Variants in NKD1 observed in about 807,000 individuals in gnomAD.
NKD1 encodes NKD inhibitor of Wnt signaling pathway 1, also known as protein naked cuticle homolog 1.
In NKD1, 21 loss-of-function variants were observed where a neutral mutation model predicts 56.0. The observed-to-expected ratio is 0.38, with a 90% CI of 0.27 to 0.54. The LOEUF is 0.54. Ranked by LOEUF, NKD1 falls within the 20% of genes least tolerant of loss-of-function variation. The pLI, the probability that NKD1 is intolerant of heterozygous loss-of-function variation, is 0.82. For synonymous variants in NKD1, 263 were observed against 265.7 expected, an observed-to-expected ratio of 0.99 and a Z score of 0.10; for missense variants, 578 against 642.7, an observed-to-expected ratio of 0.90 and a Z score of 1.09.
At chr16:50,548,956 C>G in intron 2 of NKD1, 1 of 968,398 alleles carries the variant, frequency 1.0e-6, no homozygotes, top group Non-Finnish European at 1.2e-6. Context: ...GCGCTCCCAC[C>G]GCTGACCCTC....
rs114364002 is a variant in NKD1, at chr16:50,626,156, C to T, written c.462+576C>T. On this transcript the variant is annotated intron_variant, in intron 6 of 9. Transcript: ENST00000268459. ...TCTTCTTCCTTATCCCTCTGCAGGC[C>T]GGTCTCTCTCGCTCAGGGCCCTCCT... Among the ~76,000 whole-genome samples, 386 of 152,320 alleles carry T rather than the reference C, an allele frequency of 2.5e-3. 4 individuals are homozygous for T. Among genetic ancestry groups the T allele is most frequent in the African/African-American group, 8.2e-3 (341 of 41,574 alleles).
chr16:50,616,548 T>C (rs1961964544), intron 4 of NKD1, among the ~76,000 whole-genome samples: 1 of 152,218 alleles, frequency 6.6e-6, no homozygotes, highest in Non-Finnish European at 1.5e-5. Context: ...GAATGTGCTG[T>C]AGTTCAGCAG....
In NKD1 at chr16:50,633,389, G is replaced by A. The variant is rs549358388; in HGVS notation, c.1021G>A (p.Gly341Arg). The A allele has an allele frequency of 1.4e-5, 23 of 1,614,004 alleles. No individual in the cohort carries two copies. Among genetic ancestry groups the A allele is most frequent in the Middle Eastern group, 1.7e-4 (1 of 6,056 alleles). Reference sequence around the variant, plus strand: ...GCAACGGCTCCGGGGCACCCAGGACGGGAGCAAGCACTTTGTGAGGTCCCC... The same window carrying A: ...GCAACGGCTCCGGGGCACCCAGGACAGGAGCAAGCACTTTGTGAGGTCCCC... ...LQQRLRGTQD[G>R]SKHFVRSPKA... The change falls in exon 10 of 10, where the codon GGG becomes AGG. Residue 341 changes from glycine (G) to arginine (R), a missense_variant. Coordinates refer to ENST00000268459, the MANE Select transcript of NKD1 (RefSeq NM_033119.5). The surrounding 1 kb of genome is among the most constrained non-coding windows in gnomAD (Gnocchi z 4.9).
At chr16:50,574,942 A>T (rs950591765) in intron 3 of NKD1, 2 of 985,262 alleles carry the variant, frequency 2.0e-6, no homozygotes, top group African/African-American at 3.5e-5. Flanking sequence ...TTTTCCCTTT[A>T]AACATCAGAA....
chr16:50,551,436 G>A (rs148176153), intron 3 of NKD1, among the ~76,000 whole-genome samples: 12 of 152,354 alleles, frequency 7.9e-5, no homozygotes, highest in Non-Finnish European at 1.3e-4. Flanking sequence ...GCTCAGAGCC[G>A]TTGGCATGAC....
At position 50,579,228 on chromosome 16, in the gene NKD1, T is replaced by C. The variant is rs567340701; in HGVS notation, c.193-29066T>C. Among the ~76,000 whole-genome samples, 421 of 149,198 alleles carry C rather than the reference T, an allele frequency of 2.8e-3. 1 individual carries two copies. Among genetic ancestry groups the C allele is most frequent in the African/African-American group, 0.01 (403 of 40,052 alleles). On this transcript the variant is annotated intron_variant, in intron 3 of 9. Transcript: ENST00000268459. ...CACACGCACTCTAACCCGCCACGCA[T>C]GCACTGTCTTACTCCTGCGGGCTAC...
At chr16:50,574,474 T>A (rs941770607) in intron 3 of NKD1, 2 of 985,256 alleles carry the variant, frequency 2.0e-6, no homozygotes, top group African/African-American at 3.5e-5. Context: ...CCTCATCTTG[T>A]TTTTGGAAAC....
chr16:50,617,188 G>T (rs1036393176), intron 4 of NKD1, among the ~76,000 whole-genome samples: 1 of 152,256 alleles, frequency 6.6e-6, no homozygotes, highest in Non-Finnish European at 1.5e-5. Context: ...CCTCCCATTG[G>T]GCCCATGGGG....
chr16:50,632,213 A>G lies in NKD1; in HGVS notation c.696-68A>G. 5 of 1,522,462 alleles carry G rather than the reference A, an allele frequency of 3.3e-6. No homozygotes were observed. Among genetic ancestry groups the G allele is most frequent in the Non-Finnish European group, 4.5e-6 (5 of 1,102,940 alleles). 94.3% of individuals were successfully genotyped at this position (1,522,462 alleles called of 1,614,324 possible). ...CCAGAGTTCATTCTGGGGGCTTCCTAGTAGCCTATGCGCTTGCCCCCACCT... is the reference window on the plus strand; with the variant it reads ...CCAGAGTTCATTCTGGGGGCTTCCTGGTAGCCTATGCGCTTGCCCCCACCT... On this transcript the variant is annotated intron_variant, in intron 8 of 9. Coordinates refer to ENST00000268459, the MANE Select transcript of NKD1 (RefSeq NM_033119.5). This position sits in a 1 kb window ranked among gnomAD's most constrained non-coding sequence, Gnocchi z 4.1.
intron 3 of NKD1, among the ~76,000 whole-genome samples, chr16:50,597,762 C>T (rs540596071): frequency 3.3e-5 from 5 of 152,172 alleles, no homozygotes; most frequent in Non-Finnish European, 4.4e-5. Context: ...TGCACTGCTG[C>T]GTGGCAGGCG....
Position 50,632,488 on chromosome 16 carries a change from T to G in NKD1, c.823+80T>G, listed in dbSNP as rs1244351613. 2 of 1,422,118 alleles carry G rather than the reference T, an allele frequency of 1.4e-6. No individual in the cohort carries two copies. The highest frequency in any genetic ancestry group is 2.0e-6 in the Non-Finnish European group (2 of 1,012,210). 88.1% of individuals were successfully genotyped at this position (1,422,118 alleles called of 1,614,324 possible). A position where few individuals can be genotyped will look rare whatever the true frequency, so the allele number is the denominator to read the frequency against. ...GGCCAGGCGGGCCGTGCGGGTGGTGTTCACTGCTACCCCAGGCTTCGGTAA... is the reference window on the plus strand; with the variant it reads ...GGCCAGGCGGGCCGTGCGGGTGGTGGTCACTGCTACCCCAGGCTTCGGTAA... On this transcript the variant is annotated intron_variant, in intron 9 of 9. Coordinates refer to ENST00000268459, the MANE Select transcript of NKD1 (RefSeq NM_033119.5). This position sits in a 1 kb window ranked among gnomAD's most constrained non-coding sequence, Gnocchi z 4.1.
At chr16:50,628,819 C>G (rs975080772) in intron 6 of NKD1, among the ~76,000 whole-genome samples, 2 of 152,182 alleles carry the variant, frequency 1.3e-5, no homozygotes, top group African/African-American at 2.4e-5. Flanking sequence ...TTATTCCTCA[C>G]GGTTCTGGAG....
At chr16:50,564,665 G>C (rs868770066) in intron 3 of NKD1, among the ~76,000 whole-genome samples, 14 of 152,180 alleles carry the variant, frequency 9.2e-5, no homozygotes, top group Middle Eastern at 3.2e-3. Flanking sequence ...AGCTTGGCCA[G>C]AGGGCACACA....
At chr16:50,621,962 A>G (rs1962102179) in intron 5 of NKD1, among the ~76,000 whole-genome samples, 1 of 152,190 alleles carries the variant, frequency 6.6e-6, no homozygotes, top group African/African-American at 2.4e-5. Flanking sequence ...GCAGCTTGGG[A>G]GAGGGCATGA....
chr16:50,556,540 G>C (rs1042965089), intron 3 of NKD1: 2 of 152,416 alleles, frequency 1.3e-5, no homozygotes, highest in African/African-American at 4.8e-5. Context: ...AAGTCACATG[G>C]GCTGTGGCGT....
At chr16:50,575,056 G>A in intron 3 of NKD1, 5 of 984,766 alleles carry the variant, frequency 5.1e-6, no homozygotes, top group Non-Finnish European at 6.0e-6. Flanking sequence ...TGTCTTCTGA[G>A]AGAGCTGGAA....
At chr16:50,586,712 C>A (rs552474744) in intron 3 of NKD1, among the ~76,000 whole-genome samples, 50 of 152,314 alleles carry the variant, frequency 3.3e-4, no homozygotes, top group African/African-American at 1.2e-3. Flanking sequence ...AAGACTGACT[C>A]CTTTGTGAAA....
rs1056864496 is a variant in NKD1, at chr16:50,640,530, C to A, written c.*6749C>A. On this transcript the variant is annotated 3_prime_UTR_variant, in exon 10 of 10. Coordinates refer to ENST00000268459, the MANE Select transcript of NKD1 (RefSeq NM_033119.5). Reference sequence around the variant, plus strand: ...TCTGTAAAGCCCCTGCAGGCAGGGACTTCTTAGATAGCTGCTTCCTTAGGG... The same window carrying A: ...TCTGTAAAGCCCCTGCAGGCAGGGAATTCTTAGATAGCTGCTTCCTTAGGG... 1.3e-5 allele frequency: 2 copies of A among 152,144 alleles called. No homozygotes were observed. The highest frequency in any genetic ancestry group is 4.8e-5 in the African/African-American group (2 of 41,412). The allele number at this position is 152,144 out of a possible 1,614,324, so 9.4% of individuals were successfully genotyped here.
chr16:50,619,084 G>A (rs1419238942), intron 4 of NKD1, among the ~76,000 whole-genome samples: 1 of 152,206 alleles, frequency 6.6e-6, no homozygotes, highest in Non-Finnish European at 1.5e-5. Flanking sequence ...CTTTGAACTT[G>A]AAGTTTGGTT....
Sources: gnomAD v4.1 joint callset for allele counts (sites outside exome capture counted in the v4.1 genomes callset) on GRCh38, gnomAD v4.1.1 for gene constraint, Gnocchi (gnomAD v3.1) non-coding constraint, MANE v1.5 for transcripts, NCBI Gene and HGNC (gene_info 2026-07-23, HGNC 2026-07-21) for gene names.